The following CCNC variants were observed in gnomAD, a reference collection of about 807,000 sequenced individuals.
The protein encoded by CCNC is cyclin C.
In CCNC, 19 loss-of-function variants were observed where a neutral mutation model predicts 50.0. The observed-to-expected ratio is 0.38, with a 90% CI of 0.27 to 0.56. The LOEUF (loss-of-function observed/expected upper bound fraction) is 0.56, where lower values mean the gene tolerates loss of function less well. Among genes scored for constraint, CCNC ranks in the 20% least tolerant of loss-of-function variants. The probability of loss-of-function intolerance (pLI) is 0.72; values close to 1 mark genes in which losing one functional copy is unlikely to be tolerated. For synonymous variants in CCNC, 93 were observed against 103.7 expected, an observed-to-expected ratio of 0.90 and a Z score of 0.63; for missense variants, 200 against 327.1, an observed-to-expected ratio of 0.61 and a Z score of 3.00.
upstream of CCNC, chr6:99,568,674 G>C: frequency 6.6e-7 from 1 of 1,506,800 alleles, no homozygotes; most frequent in Admixed American, 2.2e-5. Flanking sequence ...GAAAGGAAGA[G>C]GATGGCCCCC....
chr6:99,545,357 T>G (rs1025387692), intron 10 of CCNC, 127 bp from the exon 11 acceptor site: 12 of 593,402 alleles, frequency 2.0e-5, no homozygotes, highest in Non-Finnish European at 3.6e-5. Flanking sequence ...CCTGATAAAT[T>G]TGAAAGCAGT....
chr6:99,546,693 C>G lies in CCNC; in HGVS notation c.599-219G>C, dbSNP rs1486943912. On this transcript the variant is annotated intron_variant, in intron 9 of 11. Coordinates refer to ENST00000520429, the MANE Select transcript of CCNC (RefSeq NM_005190.4). The stretch of plus-strand genomic sequence containing the variant: ...AGTTCTTGACATCTGGTCCTCACTG[C>G]GTGCTAGTCATGGTGCAGTTGCCTT... Among the ~76,000 whole-genome samples, 3 of 152,092 alleles carry G rather than the reference C, an allele frequency of 2.0e-5. No individual in the cohort carries two copies. The East Asian group carries it at 5.8e-4, about 29-fold the overall frequency.
chr6:99,552,147 A>G (rs1247496292), intron 5 of CCNC, among the ~76,000 whole-genome samples: 1 of 152,204 alleles, frequency 6.6e-6, no homozygotes, highest in South Asian at 2.1e-4. Flanking sequence ...AAAGAAAAAG[A>G]TCAGGAAAAA....
chr6:99,568,152 C>T, intron 1 of CCNC: 1 of 366,898 alleles, frequency 2.7e-6, no homozygotes, highest in Non-Finnish European at 5.2e-6. Context: ...GCCTCACAGT[C>T]TTGAGCTGAG....
chr6:99,543,689 AATTC>A, intron 11 of CCNC, 80 bp from the exon 12 acceptor site: 1 of 1,582,716 alleles, frequency 6.3e-7, no homozygotes, highest in South Asian at 1.1e-5. Flanking sequence ...CTGACTTTTA[AATTC>A]ATTATTCTGT....
intron 11 of CCNC, 72 bp from the exon 12 acceptor site, chr6:99,543,681 G>C: frequency 6.3e-7 from 1 of 1,588,116 alleles, no homozygotes; most frequent in East Asian, 2.2e-5. Context: ...TAAGCCTACT[G>C]ACTTTTAAAT....
At chr6:99,568,281 C>T (rs752745940) in intron 1 of CCNC, 1 of 587,494 alleles carries the variant, frequency 1.7e-6, no homozygotes, top group Non-Finnish European at 3.0e-6. Flanking sequence ...TCCCACCCCT[C>T]CCCCTCACAG....
intron 10 of CCNC, among the ~76,000 whole-genome samples, chr6:99,545,995 G>C (rs536841162): frequency 1.4e-4 from 21 of 151,034 alleles, no homozygotes; most frequent in Admixed American, 4.6e-4. Context: ...TTTAAACGGA[G>C]TCTCGCTCTG....
At chr6:99,555,824 A>G (rs1019981707) in intron 5 of CCNC, among the ~76,000 whole-genome samples, 1 of 152,158 alleles carries the variant, frequency 6.6e-6, no homozygotes, top group South Asian at 2.1e-4. Flanking sequence ...TAACATATTT[A>G]TACTTAGAAT....
intron 4 of CCNC, among the ~76,000 whole-genome samples, chr6:99,560,532 A>G (rs573527084): frequency 6.7e-4 from 101 of 151,674 alleles, no homozygotes; most frequent in African/African-American, 2.4e-3. Flanking sequence ...CAAGAATACA[A>G]CTCTAAGAAT....
At position 99,544,277 on chromosome 6, in the gene CCNC, CA is replaced by C. The variant is rs1325751624; in HGVS notation, c.798-669del. ...TGGAGAATCACTCAGGGAATTTCTG[CA>C]AAAAATGCATCCAAAGGTAGCTGTT... On this transcript the variant is annotated intron_variant, in intron 11 of 11. Coordinates refer to ENST00000520429, the MANE Select transcript of CCNC (RefSeq NM_005190.4). The C allele has an allele frequency of 5.2e-6, 8 of 1,534,480 alleles. No homozygotes were observed. The South Asian group carries it at 6.0e-5, about 11-fold the overall frequency.
intron 4 of CCNC, among the ~76,000 whole-genome samples, chr6:99,561,136 T>C (rs1213793096): frequency 1.3e-5 from 2 of 152,250 alleles, no homozygotes; most frequent in Non-Finnish European, 2.9e-5. Context: ...ATACTACTAC[T>C]ATGTATTCCA....
intron 4 of CCNC, among the ~76,000 whole-genome samples, chr6:99,560,084 T>G (rs746345223): frequency 6.6e-5 from 10 of 152,078 alleles, no homozygotes; most frequent in Non-Finnish European, 1.3e-4. Context: ...CATCACAGAG[T>G]TCTACTCAGT....
At chr6:99,559,723 T>C (rs1802694645) in intron 4 of CCNC, among the ~76,000 whole-genome samples, 2 of 148,160 alleles carry the variant, frequency 1.3e-5, no homozygotes, top group African/African-American at 4.9e-5. Flanking sequence ...AATAATTCTT[T>C]TTTTTTTTTT....
intron 8 of CCNC, among the ~76,000 whole-genome samples, chr6:99,549,884 T>C (rs1201251696): frequency 6.6e-6 from 1 of 152,166 alleles, no homozygotes; most frequent in African/African-American, 2.4e-5. Flanking sequence ...AAACCAGAAA[T>C]TATACAGTAA....
At chr6:99,546,592 A>G (rs1321453743) in intron 9 of CCNC, 118 bp from the exon 10 acceptor site, 4 of 659,306 alleles carry the variant, frequency 6.1e-6, no homozygotes, top group Non-Finnish European at 1.1e-5. Context: ...AAAACATTAA[A>G]CAGCTACATA....
At chr6:99,567,459 CTTCT>C (rs1224871863) in intron 1 of CCNC, among the ~76,000 whole-genome samples, 1 of 151,840 alleles carries the variant, frequency 6.6e-6, no homozygotes, top group African/African-American at 2.4e-5. Context: ...AGTGGTAAAG[CTTCT>C]TTAACATGTC....
Position 99,543,025 on chromosome 6 carries a change from T to C in CCNC, c.*530A>G, listed in dbSNP as rs1341841382. Reference sequence around the variant, plus strand: ...TGAATAAAATACACTTTTAAATCAATATAGGTACTTGATTAATTTCCCTGA... The same window carrying C: ...TGAATAAAATACACTTTTAAATCAACATAGGTACTTGATTAATTTCCCTGA... On this transcript the variant is annotated 3_prime_UTR_variant, in exon 12 of 12. Transcript: ENST00000520429. 1.3e-5 allele frequency: 2 copies of C among 152,732 alleles called. No individual in the cohort carries two copies. The highest frequency in any genetic ancestry group is 2.9e-5 in the Non-Finnish European group (2 of 68,112). 9.5% of individuals were successfully genotyped at this position (152,732 alleles called of 1,614,324 possible).
At chr6:99,547,804 G>A (rs1349778486) in intron 9 of CCNC, among the ~76,000 whole-genome samples, 2 of 152,186 alleles carry the variant, frequency 1.3e-5, no homozygotes, top group African/African-American at 4.8e-5. Flanking sequence ...GAGGATGGGA[G>A]TGCTGGAGGC....
Sources: allele counts gnomAD v4.1 joint callset (sites outside exome capture counted in the v4.1 genomes callset), GRCh38; gene constraint gnomAD v4.1.1; transcripts MANE v1.5; gene names NCBI Gene and HGNC (gene_info 2026-07-23, HGNC 2026-07-21).